The following FSTL5 variants were observed in gnomAD, a reference collection of about 807,000 sequenced individuals.
FSTL5 encodes the protein follistatin-related protein 5.
Under a neutral mutation model 89.1 loss-of-function variants are expected in FSTL5, and 62 were observed. The ratio of observed to expected loss-of-function variants is 0.70; its 90% CI spans 0.57 to 0.86. The LOEUF (loss-of-function observed/expected upper bound fraction) is 0.86, where lower values mean the gene tolerates loss of function less well. Among genes scored for constraint, FSTL5 ranks in the 40% least tolerant of loss-of-function variants. FSTL5 has a pLI of 0.00. For missense variants in FSTL5, 1,057 were observed against 1,001.6 expected, an observed-to-expected ratio of 1.06 and a Z score of -0.75; for synonymous variants, 383 against 346.2, an observed-to-expected ratio of 1.11 and a Z score of -1.18.
intron 15 of FSTL5, among the ~76,000 whole-genome samples, chr4:161,403,982 C>G (rs1403483598): frequency 6.6e-6 from 1 of 152,188 alleles, no homozygotes; most frequent in African/African-American, 2.4e-5. Flanking sequence ...CTTGCTTCAT[C>G]CCTCTTCCTG....
chr4:161,615,317 T>C (rs1308910241), intron 7 of FSTL5, among the ~76,000 whole-genome samples: 1 of 55,536 alleles, frequency 1.8e-5, no homozygotes, highest in Non-Finnish European at 3.4e-5. Flanking sequence ...AAAAAAAAAA[T>C]TAGCTGGGCA....
chr4:161,444,883 T>C (rs938591086), intron 15 of FSTL5, among the ~76,000 whole-genome samples: 1 of 151,932 alleles, frequency 6.6e-6, no homozygotes, highest in Non-Finnish European at 1.5e-5. Flanking sequence ...CCAATACATA[T>C]GAAATGATTC....
chr4:161,493,403 TA>T (rs1309900255), intron 12 of FSTL5, among the ~76,000 whole-genome samples: 3 of 151,656 alleles, frequency 2.0e-5, no homozygotes, highest in South Asian at 2.1e-4. Flanking sequence ...GAACTAGACA[TA>T]GGGGGACATG....
At chr4:162,125,372 C>A (rs1358757071) in intron 1 of FSTL5, among the ~76,000 whole-genome samples, 1 of 151,856 alleles carries the variant, frequency 6.6e-6, no homozygotes, top group African/African-American at 2.4e-5. Flanking sequence ...TTTTAATTGA[C>A]CTGATATTAA....
intron 6 of FSTL5, among the ~76,000 whole-genome samples, chr4:161,664,444 A>G (rs1239404208): frequency 6.6e-6 from 1 of 152,160 alleles, no homozygotes; most frequent in East Asian, 1.9e-4. Flanking sequence ...CAGGGTCAAA[A>G]TGCTGCCAGT....
At chr4:161,854,879 A>T (rs768198886) in intron 4 of FSTL5, among the ~76,000 whole-genome samples, 7 of 152,024 alleles carry the variant, frequency 4.6e-5, no homozygotes, top group African/African-American at 1.7e-4. Context: ...AAAGATTTTA[A>T]TAATGTTAAA....
intron 7 of FSTL5, among the ~76,000 whole-genome samples, chr4:161,638,679 G>A (rs4510427): frequency 0.16 from 21,929 of 133,980 alleles, 1,847 homozygotes; most frequent in Middle Eastern, 0.3. Context: ...ACCAAAGCCG[G>A]GCAGAGACAC....
chr4:161,440,905 G>A (rs1305224738), intron 15 of FSTL5, among the ~76,000 whole-genome samples: 2 of 152,084 alleles, frequency 1.3e-5, no homozygotes, highest in African/African-American at 4.8e-5. Context: ...TATTTTGCAT[G>A]CATATTGATA....
chr4:161,541,681 T>C (rs1731823067), intron 9 of FSTL5, among the ~76,000 whole-genome samples: 2 of 152,008 alleles, frequency 1.3e-5, no homozygotes, highest in Admixed American at 6.6e-5. Flanking sequence ...GGAATAATAA[T>C]AGAACTCTAT....
intron 13 of FSTL5, among the ~76,000 whole-genome samples, chr4:161,465,656 A>T (rs17041101): frequency 0.052 from 7,919 of 152,222 alleles, 657 homozygotes; most frequent in African/African-American, 0.18. Context: ...AAGCCTATGG[A>T]AATGAGACTT....
intron 5 of FSTL5, among the ~76,000 whole-genome samples, chr4:161,772,098 C>G (rs908163399): frequency 6.6e-6 from 1 of 151,964 alleles, no homozygotes; most frequent in Admixed American, 6.6e-5. Flanking sequence ...AATAGACAGG[C>G]CTCTAGGTTC....
intron 7 of FSTL5, among the ~76,000 whole-genome samples, chr4:161,619,704 G>T (rs535847618): frequency 1.9e-4 from 29 of 152,176 alleles, no homozygotes; most frequent in Non-Finnish European, 3.2e-4. Flanking sequence ...TGCTGGAGAG[G>T]ATGTGGAGAA....
At chr4:161,789,143 A>T (rs1729364948) in intron 4 of FSTL5, among the ~76,000 whole-genome samples, 1 of 152,178 alleles carries the variant, frequency 6.6e-6, no homozygotes, top group Non-Finnish European at 1.5e-5. Flanking sequence ...AAAAATATAT[A>T]GCTTAGTAAT....
chr4:161,855,400 A>T (rs1047532159), intron 4 of FSTL5, among the ~76,000 whole-genome samples: 1 of 152,106 alleles, frequency 6.6e-6, no homozygotes, highest in African/African-American at 2.4e-5. Context: ...TAAAACAGAC[A>T]CATTTATTTC....
intron 7 of FSTL5, among the ~76,000 whole-genome samples, chr4:161,594,440 C>G (rs1269169009): frequency 6.6e-6 from 1 of 152,028 alleles, no homozygotes; most frequent in African/African-American, 2.4e-5. Context: ...CTTTCCCTTT[C>G]TAGTATAATC....
At chr4:161,920,789 G>A (rs1369493132) in intron 3 of FSTL5, 137 bp from the exon 4 acceptor site, 4 of 739,608 alleles carry the variant, frequency 5.4e-6, no homozygotes, top group Non-Finnish European at 8.6e-6. Flanking sequence ...TTTCAGTGGT[G>A]GACATGCTTA....
Position 161,459,204 on chromosome 4 carries a change from G to A in FSTL5, c.1716+8C>T, listed in dbSNP as rs1733472119. The stretch of plus-strand genomic sequence containing the variant: ...GTTATTTTCTCTAATATACTGAAAT[G>A]TACTTACCTGTAGTGTTGGTGATGT... On this transcript the variant is annotated splice_region_variant and intron_variant, in intron 14 of 15. Coordinates refer to ENST00000306100, the MANE Select transcript of FSTL5 (RefSeq NM_020116.5). 1 of 1,432,572 alleles carries A rather than the reference G, an allele frequency of 7.0e-7. No homozygotes were observed. The highest frequency in any genetic ancestry group is 9.9e-7 in the Non-Finnish European group (1 of 1,014,760). 88.7% of individuals were successfully genotyped at this position (1,432,572 alleles called of 1,614,324 possible).
intron 8 of FSTL5, among the ~76,000 whole-genome samples, chr4:161,575,986 T>C (rs1247333799): frequency 6.6e-6 from 1 of 152,066 alleles, no homozygotes; most frequent in Non-Finnish European, 1.5e-5. Context: ...GAATACAAAA[T>C]CAATGTGCAA....
At chr4:161,762,542 T>C (rs1338634559) in intron 5 of FSTL5, among the ~76,000 whole-genome samples, 2 of 152,204 alleles carry the variant, frequency 1.3e-5, no homozygotes, top group Admixed American at 1.3e-4. Flanking sequence ...TATTCAAATA[T>C]GTTGTGATGA....
Sources: allele counts gnomAD v4.1 joint callset (sites outside exome capture counted in the v4.1 genomes callset), GRCh38; gene constraint gnomAD v4.1.1; transcripts MANE v1.5; gene names NCBI Gene and HGNC (gene_info 2026-07-23, HGNC 2026-07-21).